PPP2R3A: variants seen among roughly 807,000 people sequenced by gnomAD.
The protein encoded by PPP2R3A is protein phosphatase 2 regulatory subunit B''alpha.
PPP2R3A carries 80 observed loss-of-function variants against 106.9 expected under a neutral mutation model. The observed-to-expected ratio is 0.75, with a 90% CI of 0.62 to 0.90. The LOEUF is 0.90. PPP2R3A is among the 40% of genes least tolerant of loss of function. The pLI, the probability that PPP2R3A is intolerant of heterozygous loss-of-function variation, is 0.00. For synonymous variants in PPP2R3A, 483 were observed against 468.3 expected, an observed-to-expected ratio of 1.03 and a Z score of -0.41; for missense variants, 1,386 against 1,350.4, an observed-to-expected ratio of 1.03 and a Z score of -0.41.
chr3:136,054,277 T>TA (rs1935784036), intron 5 of PPP2R3A, among the ~76,000 whole-genome samples: 1 of 109,674 alleles, frequency 9.1e-6, no homozygotes, highest in South Asian at 2.9e-4. Context: ...TTTTTTTTTT[T>TA]GAGTTGGAGG....
intron 13 of PPP2R3A, among the ~76,000 whole-genome samples, chr3:136,123,940 A>G (rs1221894339): frequency 6.6e-6 from 1 of 152,224 alleles, no homozygotes; most frequent in Non-Finnish European, 1.5e-5. Flanking sequence ...AAATATATAT[A>G]CACTGTTTCA....
At chr3:136,127,560 GA>G (rs1306496570) in intron 13 of PPP2R3A, among the ~76,000 whole-genome samples, 1 of 152,168 alleles carries the variant, frequency 6.6e-6, no homozygotes, top group African/African-American at 2.4e-5. Flanking sequence ...AACTGATGGG[GA>G]GAATGGAACC....
intron 2 of PPP2R3A, among the ~76,000 whole-genome samples, chr3:136,018,472 A>G (rs765334626): frequency 7.9e-5 from 12 of 152,182 alleles, no homozygotes; most frequent in Admixed American, 2.6e-4. Context: ...ATAAATCACT[A>G]TTGTCTTCGT....
At chr3:135,979,330 G>A (rs1414120825) in intron 1 of PPP2R3A, among the ~76,000 whole-genome samples, 2 of 150,904 alleles carry the variant, frequency 1.3e-5, no homozygotes, top group Non-Finnish European at 2.9e-5. Context: ...GGTGAGCCGA[G>A]ATTGCGCCAC....
At chr3:136,005,465 A>T (rs898494966) in intron 2 of PPP2R3A, among the ~76,000 whole-genome samples, 8 of 152,320 alleles carry the variant, frequency 5.3e-5, no homozygotes, top group Admixed American at 4.6e-4. Context: ...CTAAGTGATT[A>T]TTTGGGTCTA....
intron 8 of PPP2R3A, among the ~76,000 whole-genome samples, chr3:136,082,772 C>T (rs1424155702): frequency 1.3e-5 from 2 of 152,090 alleles, no homozygotes; most frequent in Non-Finnish European, 2.9e-5. Context: ...ATAACCCTTC[C>T]CACTTAACAA....
intron 1 of PPP2R3A, among the ~76,000 whole-genome samples, chr3:135,986,593 C>T (rs1057127198): frequency 5.9e-5 from 9 of 151,974 alleles, no homozygotes; most frequent in African/African-American, 2.2e-4. Context: ...TTGGATACCT[C>T]CTCCCCACTC....
chr3:136,109,892 T>A (rs1270269719), intron 13 of PPP2R3A, among the ~76,000 whole-genome samples: 1 of 151,684 alleles, frequency 6.6e-6, no homozygotes, highest in Non-Finnish European at 1.5e-5. Flanking sequence ...GTAATGGGAG[T>A]AGCACTTAAT....
chr3:135,999,374 G>T (rs1303190550), intron 1 of PPP2R3A, among the ~76,000 whole-genome samples: 1 of 152,098 alleles, frequency 6.6e-6, no homozygotes, highest in Non-Finnish European at 1.5e-5. Flanking sequence ...TTAGACGCAG[G>T]ACTGCATGGT....
At chr3:136,113,562 G>A (rs532702723) in intron 13 of PPP2R3A, among the ~76,000 whole-genome samples, 10 of 152,250 alleles carry the variant, frequency 6.6e-5, no homozygotes, top group South Asian at 2.1e-4. Context: ...AGGCCAAGGC[G>A]GGAGGATCAC....
At chr3:136,092,340 A>G (rs1020857962) in intron 10 of PPP2R3A, among the ~76,000 whole-genome samples, 3 of 152,132 alleles carry the variant, frequency 2.0e-5, no homozygotes, top group Non-Finnish European at 4.4e-5. Flanking sequence ...CCAAAAAAAT[A>G]TATATATTAA....
chr3:135,995,844 A>G (rs1036638066), intron 1 of PPP2R3A, among the ~76,000 whole-genome samples: 1 of 152,202 alleles, frequency 6.6e-6, no homozygotes, highest in African/African-American at 2.4e-5. Context: ...AATTGGCTAA[A>G]ATATTTCTAG....
In PPP2R3A at chr3:136,099,189, GA is replaced by G. The variant is rs555699709; in HGVS notation, c.2928-2811del. On this transcript the variant is annotated intron_variant, in intron 10 of 13. Coordinates refer to ENST00000264977, the MANE Select transcript of PPP2R3A (RefSeq NM_002718.5). ...GATTCGACACTGGGTCATCCCCAAG[GA>G]AAAAAACCAGCCCATTCATTTTACA... Among the ~76,000 whole-genome samples the G allele has an allele frequency of 3.1e-3, 470 of 152,076 alleles. 4 individuals are homozygous for G. The highest frequency in any genetic ancestry group is 9.3e-3 in the African/African-American group (386 of 41,522).
At chr3:136,008,270 G>A (rs1209360136) in intron 2 of PPP2R3A, among the ~76,000 whole-genome samples, 7 of 152,128 alleles carry the variant, frequency 4.6e-5, no homozygotes, top group South Asian at 2.1e-4. Context: ...CCCTGGCTTT[G>A]TAGGTGCTCA....
At chr3:136,127,149 C>A (rs911644777) in intron 13 of PPP2R3A, among the ~76,000 whole-genome samples, 1 of 152,182 alleles carries the variant, frequency 6.6e-6, no homozygotes. Context: ...CGGAACAAAG[C>A]TGGACAGAGA....
At chr3:136,118,466 A>C (rs535947016) in intron 13 of PPP2R3A, among the ~76,000 whole-genome samples, 2 of 152,356 alleles carry the variant, frequency 1.3e-5, no homozygotes, top group South Asian at 4.1e-4. Flanking sequence ...ATGATTGTAT[A>C]TTTAGAAAAC....
intron 1 of PPP2R3A, among the ~76,000 whole-genome samples, chr3:136,000,695 A>C (rs1933589833): frequency 6.6e-6 from 1 of 152,188 alleles, no homozygotes; most frequent in Admixed American, 6.5e-5. Flanking sequence ...GGGACTTAAA[A>C]GTGAGTCAAA....
At chr3:136,012,581 C>G (rs1934120931) in intron 2 of PPP2R3A, among the ~76,000 whole-genome samples, 6 of 152,056 alleles carry the variant, frequency 3.9e-5, no homozygotes, top group Admixed American at 3.3e-4. Context: ...CTCCTTTCCC[C>G]CACCAGTGTT....
intron 13 of PPP2R3A, among the ~76,000 whole-genome samples, chr3:136,128,531 G>A (rs1938275165): frequency 6.6e-6 from 1 of 152,122 alleles, no homozygotes; most frequent in South Asian, 2.1e-4. Flanking sequence ...AGTTCTCAGA[G>A]ACCTACAAAG....
Sources: allele counts gnomAD v4.1 joint callset (sites outside exome capture counted in the v4.1 genomes callset), GRCh38; gene constraint gnomAD v4.1.1; transcripts MANE v1.5; gene names NCBI Gene and HGNC (gene_info 2026-07-23, HGNC 2026-07-21).